The following CNTNAP3 variants were observed in gnomAD, a reference collection of about 807,000 sequenced individuals.
CNTNAP3 encodes contactin-associated protein-like 3.
Under a neutral mutation model 92.1 loss-of-function variants are expected in CNTNAP3, and 36 were observed. That is an observed-to-expected ratio of 0.39 (90% confidence interval 0.30 to 0.52). The LOEUF is 0.52. Among genes scored for constraint, CNTNAP3 ranks in the 20% least tolerant of loss-of-function variants. The probability of loss-of-function intolerance (pLI) is 0.76; values close to 1 mark genes in which losing one functional copy is unlikely to be tolerated. For missense variants in CNTNAP3, 534 were observed against 1,069.6 expected (o/e 0.50, Z 6.98); for synonymous variants, 232 against 422.3 (o/e 0.55, Z 5.53).
chr9:39,159,657 TAG>T (rs1197773689), intron 9 of CNTNAP3: 5 of 141,866 alleles, frequency 3.5e-5, no homozygotes, highest in African/African-American at 1.1e-4. Context: ...GATAGATAGA[TAG>T]ATAGATAGAT....
At chr9:39,125,626 A>C (rs4373637) in intron 13 of CNTNAP3, among the ~76,000 whole-genome samples, 2,659 of 152,128 alleles carry the variant, frequency 0.017, 65 homozygotes, top group African/African-American at 0.061. Flanking sequence ...AGATTTGAAG[A>C]GCTAGAGAAA....
chr9:39,117,567 A>G (rs1010583958), intron 14 of CNTNAP3, among the ~76,000 whole-genome samples: 7 of 152,220 alleles, frequency 4.6e-5, no homozygotes, highest in Non-Finnish European at 1.0e-4. Flanking sequence ...TATGGTCTAC[A>G]GAACAGTTGG....
At chr9:39,122,931 T>G (rs975890230) in intron 13 of CNTNAP3, among the ~76,000 whole-genome samples, 2 of 151,774 alleles carry the variant, frequency 1.3e-5, no homozygotes, top group African/African-American at 4.8e-5. Flanking sequence ...AAAGTAAAAA[T>G]TGTAGAGTGT....
At chr9:39,091,226 C>T (rs1018534778) in intron 18 of CNTNAP3, among the ~76,000 whole-genome samples, 5 of 149,446 alleles carry the variant, frequency 3.3e-5, no homozygotes, top group African/African-American at 9.9e-5. Context: ...ACCTCTAGTA[C>T]AATGCTGAAT....
chr9:39,111,832 G>A (rs1404203580), intron 14 of CNTNAP3, among the ~76,000 whole-genome samples: 2 of 151,946 alleles, frequency 1.3e-5, no homozygotes, highest in Non-Finnish European at 2.9e-5. Flanking sequence ...TTTAATTAGG[G>A]CAGATACTAT....
Position 39,089,703 on chromosome 9 carries a change from C to A in CNTNAP3, c.2996-1056G>T, listed in dbSNP as rs576258671. Among the ~76,000 whole-genome samples the A allele has an allele frequency of 9.5e-3, 1,438 of 152,168 alleles. 12 individuals are homozygous for A. The highest frequency in any genetic ancestry group is 0.041 in the Middle Eastern group (12 of 294). ...ACAGCAATTATGAGGGTTTTAATAT[C>A]TCCACATCCTCACCAACATTTATTA... On this transcript the variant is annotated intron_variant, in intron 18 of 23. Coordinates refer to ENST00000297668, the MANE Select transcript of CNTNAP3 (RefSeq NM_033655.5).
chr9:39,106,743 A>G (rs1442469805), intron 15 of CNTNAP3: 2 of 152,156 alleles, frequency 1.3e-5, no homozygotes, highest in Non-Finnish European at 2.9e-5. Context: ...TTTGAGAAGT[A>G]CAGAGTACCT....
At chr9:39,115,069 T>A (rs557043145) in intron 14 of CNTNAP3, among the ~76,000 whole-genome samples, 1,864 of 151,876 alleles carry the variant, frequency 0.012, 40 homozygotes, top group African/African-American at 0.042. Flanking sequence ...TAGAATATTC[T>A]TACTGTGCCT....
intron 4 of CNTNAP3, among the ~76,000 whole-genome samples, chr9:39,179,340 C>CACACAG (rs1425353465): frequency 3.7e-5 from 4 of 109,186 alleles, no homozygotes; most frequent in Non-Finnish European, 1.8e-5. Flanking sequence ...CACACACACA[C>CACACAG]AGGCACACAG....
At chr9:39,089,730 T>C (rs1028509235) in intron 18 of CNTNAP3, among the ~76,000 whole-genome samples, 1 of 152,138 alleles carries the variant, frequency 6.6e-6, no homozygotes, top group Non-Finnish European at 1.5e-5. Flanking sequence ...CATTTATTAT[T>C]ATCTTTCTTT....
At chr9:39,078,548 A>C in intron 22 of CNTNAP3, 92 bp from the exon 23 acceptor site, 1 of 1,574,466 alleles carries the variant, frequency 6.4e-7, no homozygotes. Flanking sequence ...AAAGTGAATT[A>C]AAATAAGAAC....
At chr9:39,076,986 T>C (rs1381139276) in intron 23 of CNTNAP3, among the ~76,000 whole-genome samples, 2 of 152,304 alleles carry the variant, frequency 1.3e-5, no homozygotes, top group African/African-American at 4.8e-5. Context: ...AATTCACTCA[T>C]TAATTAACAA....
At chr9:39,116,042 C>T (rs1820851014) in intron 14 of CNTNAP3, among the ~76,000 whole-genome samples, 1 of 152,064 alleles carries the variant, frequency 6.6e-6, no homozygotes, top group African/African-American at 2.4e-5. Context: ...ATCCCAGTTA[C>T]TCGGGAGGCT....
At chr9:39,102,083 TC>T (rs1318251740) in intron 17 of CNTNAP3, among the ~76,000 whole-genome samples, 11 of 152,312 alleles carry the variant, frequency 7.2e-5, no homozygotes, top group African/African-American at 2.4e-4. Context: ...ATCACGACCA[TC>T]CTGGCCAACA....
chr9:39,142,231 C>A (rs1316725475), intron 11 of CNTNAP3, among the ~76,000 whole-genome samples: 1 of 152,128 alleles, frequency 6.6e-6, no homozygotes, highest in East Asian at 1.9e-4. Flanking sequence ...CCAGGTAACA[C>A]ACAAGATTAG....
intron 13 of CNTNAP3, among the ~76,000 whole-genome samples, chr9:39,122,311 C>T (rs1356867217): frequency 6.6e-6 from 1 of 152,138 alleles, no homozygotes; most frequent in Admixed American, 6.6e-5. Context: ...GCTGAGATGG[C>T]GCCACTGCAC....
At chr9:39,204,823 C>T (rs980782685) in intron 3 of CNTNAP3, among the ~76,000 whole-genome samples, 2 of 3,652 alleles carry the variant, frequency 5.5e-4, no homozygotes, top group Non-Finnish European at 3.9e-4. Flanking sequence ...AGTGTCCATT[C>T]AAATCAGTGA....
chr9:39,116,035 C>A (rs368873858), intron 14 of CNTNAP3, among the ~76,000 whole-genome samples: 4 of 151,758 alleles, frequency 2.6e-5, no homozygotes, highest in Non-Finnish European at 5.9e-5. Flanking sequence ...GGCTGTAATC[C>A]CAGTTACTCG....
chr9:39,100,916 C>T (rs940583634), intron 17 of CNTNAP3, among the ~76,000 whole-genome samples: 1 of 150,456 alleles, frequency 6.6e-6, no homozygotes, highest in African/African-American at 2.4e-5. Context: ...TTAGCCTCCT[C>T]CCAGAGATTC....
Sources: allele counts gnomAD v4.1 joint callset (sites outside exome capture counted in the v4.1 genomes callset), GRCh38; gene constraint gnomAD v4.1.1; transcripts MANE v1.5; gene names NCBI Gene and HGNC (gene_info 2026-07-23, HGNC 2026-07-21).